Variants in STAM observed in about 807,000 individuals in gnomAD.
STAM encodes the protein signal transducing adaptor molecule, also known as signal transducing adapter molecule 1.
STAM carries 16 observed loss-of-function variants against 63.4 expected under a neutral mutation model. The observed-to-expected ratio is 0.25, with a 90% CI of 0.17 to 0.38. STAM has a LOEUF of 0.38. Ranked by LOEUF, STAM falls within the 10% of genes least tolerant of loss-of-function variation. STAM has a pLI of 1.00. For missense variants in STAM, 636 were observed against 657.1 expected (o/e 0.97, Z 0.35); for synonymous variants, 238 against 223.9 (o/e 1.06, Z -0.56).
At chr10:17,709,066 G>A (rs563464121) in intron 13 of STAM, 115 bp downstream of exon 13, 41 of 1,271,212 alleles carry the variant, frequency 3.2e-5, no homozygotes, top group South Asian at 7.8e-5. Context: ...AGCGTCATGC[G>A]GCCGCCCCAT....
chr10:17,644,801 A>G (rs1416338743), intron 1 of STAM, among the ~76,000 whole-genome samples: 1 of 152,190 alleles, frequency 6.6e-6, no homozygotes, highest in Non-Finnish European at 1.5e-5. Flanking sequence ...AACTGGCAGA[A>G]TGTTTTAGGT....
intron 1 of STAM, among the ~76,000 whole-genome samples, chr10:17,646,002 T>G (rs1345185386): frequency 1.3e-5 from 2 of 152,230 alleles, no homozygotes; most frequent in African/African-American, 4.8e-5. Context: ...TCAGGTAAAT[T>G]TCTTAATGTC....
In STAM at chr10:17,660,525, T is replaced by A. The variant is rs782060774; in HGVS notation, c.102T>A (p.Asp34Glu). Residue 34 changes from aspartate (D) to glutamate (E), a missense_variant, in exon 2 of 14, where the codon GAT (aspartate) becomes GAA (glutamate). Coordinates refer to ENST00000377524, the MANE Select transcript of STAM (RefSeq NM_003473.4). ...EDWGLILDICDKVGQSRTGPK... is the reference protein window; with the variant it reads ...EDWGLILDICEKVGQSRTGPK... ...GGGGCCTCATTTTGGATATCTGTGA[T>A]AAAGTTGGTCAGTCTCGCACTGGGT... 1.2e-6 allele frequency: 2 copies of A among 1,605,616 alleles called. No homozygotes were observed. Among genetic ancestry groups the A allele is most frequent in the Admixed American group, 3.4e-5 (2 of 58,814 alleles).
intron 5 of STAM, among the ~76,000 whole-genome samples, chr10:17,692,775 A>G (rs1835594912): frequency 6.6e-6 from 1 of 152,212 alleles, no homozygotes; most frequent in Non-Finnish European, 1.5e-5. Context: ...CCTGAAGATA[A>G]CATCCTGACA....
chr10:17,693,771 G>A (rs1039851280), intron 6 of STAM, among the ~76,000 whole-genome samples: 9 of 152,246 alleles, frequency 5.9e-5, no homozygotes, highest in African/African-American at 2.2e-4. Context: ...TTAAGCTGCA[G>A]TGAGTATTCT....
intron 2 of STAM, among the ~76,000 whole-genome samples, chr10:17,665,915 C>T (rs1554823335): frequency 6.6e-6 from 1 of 151,956 alleles, no homozygotes; most frequent in African/African-American, 2.4e-5. Context: ...TGAAGAATGC[C>T]CAGCCAATTA....
chr10:17,684,945 C>T lies in STAM; in HGVS notation c.297+18C>T, dbSNP rs1554825895. Reference sequence around the variant, plus strand: ...TAAATAAGGTAAGGAGCATTATTTCCAGAAATTAATTAAGGCAGTCTTCTT... The same window carrying T: ...TAAATAAGGTAAGGAGCATTATTTCTAGAAATTAATTAAGGCAGTCTTCTT... On this transcript the variant is annotated intron_variant, in intron 4 of 13. Coordinates refer to ENST00000377524, the MANE Select transcript of STAM (RefSeq NM_003473.4). 8 of 1,578,382 alleles carry T rather than the reference C, an allele frequency of 5.1e-6. No individual in the cohort carries two copies. The South Asian group carries it at 9.0e-5, about 18-fold the overall frequency.
At position 17,696,812 on chromosome 10, in the gene STAM, A is replaced by T; in HGVS notation, c.766A>T (p.Ile256Leu). 3 of 1,614,068 alleles carry T rather than the reference A, an allele frequency of 1.9e-6. No individual in the cohort carries two copies. The highest frequency in any genetic ancestry group is 2.5e-6 in the Non-Finnish European group (3 of 1,179,894). ...GTGGAAAGGTGAAACCCATCAAGGCATAGGGTTATTTCCTTCTAATTTTGT... is the reference window on the plus strand; with the variant it reads ...GTGGAAAGGTGAAACCCATCAAGGCTTAGGGTTATTTCCTTCTAATTTTGT... ...NWWKGETHQG[I>L]GLFPSNFVTA... is the part of the protein sequence containing the mutation. The change falls in exon 8 of 14, where the codon ATA (isoleucine) becomes TTA (leucine). Residue 256 changes from isoleucine to leucine, a missense_variant. Ile to Leu is a conservative substitution (Grantham distance 5). Transcript: ENST00000377524.
At chr10:17,712,043 G>A (rs1836579073) in intron 13 of STAM, among the ~76,000 whole-genome samples, 1 of 152,230 alleles carries the variant, frequency 6.6e-6, no homozygotes, top group African/African-American at 2.4e-5. Context: ...AGAGAAAGAA[G>A]TATTGGTGAA....
chr10:17,676,013 G>A (rs1290121025), intron 2 of STAM, among the ~76,000 whole-genome samples: 3 of 152,122 alleles, frequency 2.0e-5, no homozygotes, highest in Non-Finnish European at 4.4e-5. Context: ...GATCAGAGAA[G>A]TGACTGCTGA....
rs371392755 is a variant in STAM, at chr10:17,695,088, C to G, written c.575C>G (p.Thr192Ser). ...CTCAAGGAACAAAGGCAGCAGTCAA[C>G]CACCCTTTCCACTTTGTATCCAAGC... ...LSLKEQRQQS[T>S]TLSTLYPSTS... The change falls in exon 7 of 14, where the codon ACC becomes AGC. Residue 192 changes from threonine to serine, a missense_variant. Transcript: ENST00000377524. The G allele has an allele frequency of 5.0e-6, 8 of 1,613,888 alleles. No individual in the cohort carries two copies. Among genetic ancestry groups the G allele is most frequent in the African/African-American group, 2.7e-5 (2 of 74,910 alleles).
At position 17,708,762 on chromosome 10, in the gene STAM, T is replaced by A. The variant is rs1554829655; in HGVS notation, c.1210-14T>A. On this transcript the variant is annotated splice_polypyrimidine_tract_variant and intron_variant, in intron 12 of 13. Coordinates refer to ENST00000377524, the MANE Select transcript of STAM (RefSeq NM_003473.4). ...ATTTTAGAATTGAATATGATTTCTC[T>A]TTAACCATCGCAGGTGTATGCAGGG... is the stretch of plus-strand genomic sequence containing the variant. 6.3e-7 allele frequency: 1 copy of A among 1,591,420 alleles called. No individual in the cohort carries two copies. Among genetic ancestry groups the A allele is most frequent in the African/African-American group, 1.3e-5 (1 of 74,504 alleles).
intron 8 of STAM, among the ~76,000 whole-genome samples, chr10:17,697,158 A>ACCTC (rs2131664140): frequency 6.6e-6 from 1 of 152,188 alleles, no homozygotes; most frequent in South Asian, 2.1e-4. Flanking sequence ...TGAACTCCTG[A>ACCTC]CCTCAGGTGA....
Position 17,684,939 on chromosome 10 carries a change from T to G in STAM, c.297+12T>G. The stretch of plus-strand genomic sequence containing the variant: ...ACGTATTAAATAAGGTAAGGAGCAT[T>G]ATTTCCAGAAATTAATTAAGGCAGT... On this transcript the variant is annotated intron_variant, in intron 4 of 13. Coordinates refer to ENST00000377524, the MANE Select transcript of STAM (RefSeq NM_003473.4). 6.3e-7 allele frequency: 1 copy of G among 1,591,978 alleles called. No homozygotes were observed. The highest frequency in any genetic ancestry group is 8.6e-7 in the Non-Finnish European group (1 of 1,163,116).
intron 5 of STAM, among the ~76,000 whole-genome samples, chr10:17,692,184 A>G (rs577346916): frequency 4.7e-4 from 72 of 152,284 alleles, no homozygotes; most frequent in African/African-American, 1.6e-3. Context: ...AGAAAGTGGT[A>G]GATCTGGGAT....
chr10:17,703,945 A>G (rs1261503419), intron 9 of STAM, among the ~76,000 whole-genome samples: 1 of 152,212 alleles, frequency 6.6e-6, no homozygotes, highest in Non-Finnish European at 1.5e-5. Context: ...TGGATAGTAC[A>G]CTTGTTGGCA....
chr10:17,657,098 C>T (rs764289939), intron 1 of STAM, among the ~76,000 whole-genome samples: 1 of 151,952 alleles, frequency 6.6e-6, no homozygotes, highest in Non-Finnish European at 1.5e-5. Flanking sequence ...TCGTATACTG[C>T]CATTTTGTCT....
chr10:17,675,636 A>G (rs1834820614), intron 2 of STAM, among the ~76,000 whole-genome samples: 1 of 152,222 alleles, frequency 6.6e-6, no homozygotes, highest in African/African-American at 2.4e-5. Context: ...TAAGTTTTAG[A>G]AAAAAACACT....
intron 6 of STAM, among the ~76,000 whole-genome samples, 153 bp downstream of exon 6, chr10:17,693,465 A>G (rs1835629890): frequency 6.6e-6 from 1 of 152,184 alleles, no homozygotes; most frequent in South Asian, 2.1e-4. Flanking sequence ...TTGAGAGGCA[A>G]TTACTGTCAC....
Sources: gnomAD v4.1 joint callset for allele counts (sites outside exome capture counted in the v4.1 genomes callset) on GRCh38, gnomAD v4.1.1 for gene constraint, MANE v1.5 for transcripts, NCBI Gene and HGNC (gene_info 2026-07-23, HGNC 2026-07-21) for gene names.